OXR1: variants seen among roughly 807,000 people sequenced by gnomAD.
OXR1 encodes oxidation resistance 1, also known as oxidation resistance protein 1.
OXR1 carries 41 observed loss-of-function variants against 104.6 expected under a neutral mutation model. That is an observed-to-expected ratio of 0.39 (90% CI 0.31 to 0.51). OXR1 has a LOEUF of 0.51. Among genes scored for constraint, OXR1 ranks in the 20% least tolerant of loss-of-function variants. The pLI, the probability that OXR1 is intolerant of heterozygous loss-of-function variation, is 0.77. For missense variants in OXR1, 955 were observed against 1,031.9 expected, an observed-to-expected ratio of 0.93 and a Z score of 1.02; for synonymous variants, 348 against 348.4, an observed-to-expected ratio of 1.00 and a Z score of 0.01.
At chr8:106,377,794 A>G (rs1237243635) in intron 2 of OXR1, among the ~76,000 whole-genome samples, 2 of 152,140 alleles carry the variant, frequency 1.3e-5, no homozygotes, top group Admixed American at 1.3e-4. Context: ...AAACATGTCA[A>G]TTGCTTTAAC....
At chr8:106,540,695 G>A (rs929975047) in intron 3 of OXR1, among the ~76,000 whole-genome samples, 6 of 152,296 alleles carry the variant, frequency 3.9e-5, no homozygotes, top group Non-Finnish European at 8.8e-5. Context: ...AGAACTCAGA[G>A]TTCCACGTGG....
At chr8:106,531,947 C>T (rs923590233) in intron 3 of OXR1, among the ~76,000 whole-genome samples, 1 of 152,174 alleles carries the variant, frequency 6.6e-6, no homozygotes, top group African/African-American at 2.4e-5. Context: ...TCTGTCTCTC[C>T]ATGCTTTCTT....
intron 11 of OXR1, among the ~76,000 whole-genome samples, chr8:106,730,988 A>G (rs1375351076): frequency 6.6e-6 from 1 of 152,198 alleles, no homozygotes; most frequent in Non-Finnish European, 1.5e-5. Flanking sequence ...GGCATCCACA[A>G]CAAATGAGAA....
At position 106,684,246 on chromosome 8, in the gene OXR1, G is replaced by C; in HGVS notation, c.412G>C (p.Val138Leu). ...LFSRAVVTGQ[V>L]LYVPDPEYVS... ...TCTTTGTGTGAATGTTTTCTTACAG[G>C]TTCTGTATGTTCCTGATCCTGAATA... Residue 138 changes from valine (V) to leucine (L), a missense_variant and splice_region_variant, in exon 6 of 17, where the codon GTT becomes CTT. Physicochemically the swap from Val to Leu is conservative, Grantham distance 32. Transcript: ENST00000517566. The C allele has an allele frequency of 6.7e-7, 1 of 1,498,744 alleles. No individual in the cohort carries two copies. Among genetic ancestry groups the C allele is most frequent in the Non-Finnish European group, 9.3e-7 (1 of 1,077,178 alleles). 92.8% of individuals were successfully genotyped at this position (1,498,744 alleles called of 1,614,324 possible).
intron 3 of OXR1, among the ~76,000 whole-genome samples, chr8:106,552,376 G>T (rs993173384): frequency 1.1e-4 from 16 of 152,022 alleles, no homozygotes; most frequent in African/African-American, 2.9e-4. Flanking sequence ...AATAAATTTT[G>T]TTCTTGCCCC....
intron 2 of OXR1, among the ~76,000 whole-genome samples, chr8:106,487,343 T>TC (rs1554581707): frequency 1.3e-5 from 2 of 150,410 alleles, no homozygotes; most frequent in African/African-American, 4.9e-5. Flanking sequence ...GTATTTCTTT[T>TC]TTTTTTTTTT....
chr8:106,275,260 C>T (rs1205200272), intron 1 of OXR1, among the ~76,000 whole-genome samples: 1 of 152,170 alleles, frequency 6.6e-6, no homozygotes, highest in East Asian at 1.9e-4. Flanking sequence ...TTCTTGTCTC[C>T]CTTTTCCTTT....
At chr8:106,638,714 GA>G (rs1823363348) in intron 3 of OXR1, among the ~76,000 whole-genome samples, 1 of 152,092 alleles carries the variant, frequency 6.6e-6, no homozygotes, top group Non-Finnish European at 1.5e-5. Context: ...CCAACATGGT[GA>G]AATCCCATCT....
chr8:106,694,742 A>T lies in OXR1; in HGVS notation c.675+1865A>T, dbSNP rs1271409727. On this transcript the variant is annotated intron_variant, in intron 7 of 16. Transcript: ENST00000517566. The stretch of plus-strand genomic sequence containing the variant: ...TATATTTTTATATATTTATATATAT[A>T]TTTATATATTAATATATATATTTAA... 4.3e-5 allele frequency among the ~76,000 whole-genome samples: 5 copies of T among 116,434 alleles called. 2 individuals are homozygous for T. The highest frequency in any genetic ancestry group is 2.4e-4 in the East Asian group (1 of 4,122). 76.4% of individuals were successfully genotyped at this position (116,434 alleles called of 152,430 possible).
chr8:106,412,800 A>T (rs889424087), intron 2 of OXR1, among the ~76,000 whole-genome samples: 1 of 152,132 alleles, frequency 6.6e-6, no homozygotes, highest in Admixed American at 6.6e-5. Context: ...ATAAATTTGT[A>T]TTATTTATAG....
At chr8:106,525,606 G>T (rs369203118) in intron 3 of OXR1, among the ~76,000 whole-genome samples, 1 of 152,110 alleles carries the variant, frequency 6.6e-6, no homozygotes. Flanking sequence ...CTGCAACTTC[G>T]TAGAAAAGCC....
chr8:106,463,898 T>C (rs760258237), intron 2 of OXR1, among the ~76,000 whole-genome samples: 1 of 152,122 alleles, frequency 6.6e-6, no homozygotes, highest in Non-Finnish European at 1.5e-5. Context: ...GCCTGACTTA[T>C]CTGTGTAGCA....
intron 6 of OXR1, among the ~76,000 whole-genome samples, chr8:106,689,203 C>A (rs991199841): frequency 6.6e-6 from 1 of 152,052 alleles, no homozygotes; most frequent in East Asian, 1.9e-4. Flanking sequence ...AGAATCATTT[C>A]TTGCCTCTTC....
chr8:106,555,918 G>GTATA (rs1563602702), intron 3 of OXR1, among the ~76,000 whole-genome samples: 2 of 26,922 alleles, frequency 7.4e-5, no homozygotes, highest in Non-Finnish European at 7.6e-5. Context: ...GTAGGCATAC[G>GTATA]TATATATATG....
intron 3 of OXR1, among the ~76,000 whole-genome samples, chr8:106,544,284 C>G (rs560373156): frequency 4.0e-5 from 6 of 150,950 alleles, no homozygotes; most frequent in African/African-American, 1.5e-4. Context: ...GTGCAACACA[C>G]AGGTAATAAG....
chr8:106,271,497 G>A (rs551948318), intron 1 of OXR1, among the ~76,000 whole-genome samples: 1 of 152,198 alleles, frequency 6.6e-6, no homozygotes, highest in Admixed American at 6.5e-5. Context: ...TTTTTGGCCG[G>A]GAAGTCAGGC....
intron 2 of OXR1, among the ~76,000 whole-genome samples, chr8:106,404,562 A>G (rs1243901212): frequency 6.6e-6 from 1 of 152,070 alleles, no homozygotes; most frequent in Non-Finnish European, 1.5e-5. Context: ...TCTACCACAT[A>G]AAAACTGGGA....
intron 1 of OXR1, among the ~76,000 whole-genome samples, chr8:106,310,116 C>T (rs1813635323): frequency 6.6e-6 from 1 of 151,574 alleles, no homozygotes; most frequent in African/African-American, 2.4e-5. Flanking sequence ...TCAGTTAAAT[C>T]AATATTAGTA....
intron 2 of OXR1, among the ~76,000 whole-genome samples, chr8:106,368,226 A>T (rs1313193165): frequency 2.0e-5 from 3 of 152,156 alleles, no homozygotes; most frequent in Non-Finnish European, 4.4e-5. Flanking sequence ...TGTATCCTTA[A>T]TATAAACATA....
Sources: allele counts gnomAD v4.1 joint callset (sites outside exome capture counted in the v4.1 genomes callset), GRCh38; gene constraint gnomAD v4.1.1; transcripts MANE v1.5; gene names NCBI Gene and HGNC (gene_info 2026-07-23, HGNC 2026-07-21).